PRDM2: variants seen among roughly 807,000 people sequenced by gnomAD.
PRDM2 encodes the protein PR/SET domain 2.
In PRDM2, 30 loss-of-function variants were observed where a neutral mutation model predicts 130.0. That is an observed-to-expected ratio of 0.23 (90% CI 0.17 to 0.31). The LOEUF is 0.31. PRDM2 is among the 10% of genes least tolerant of loss of function. PRDM2 has a pLI of 1.00. For missense variants in PRDM2, 2,011 were observed against 2,108.4 expected, an observed-to-expected ratio of 0.95 and a Z score of 0.90; for synonymous variants, 871 against 782.4, an observed-to-expected ratio of 1.11 and a Z score of -1.89.
intron 9 of PRDM2, among the ~76,000 whole-genome samples, chr1:13,821,669 G>T (rs999151647): frequency 3.3e-5 from 5 of 152,048 alleles, no homozygotes; most frequent in Admixed American, 1.3e-4. Flanking sequence ...GTTTCATCAT[G>T]TTGGCCAGGC....
At chr1:13,733,184 C>T (rs1002404543) in intron 4 of PRDM2, among the ~76,000 whole-genome samples, 5 of 152,134 alleles carry the variant, frequency 3.3e-5, no homozygotes, top group African/African-American at 1.2e-4. Context: ...TGGTTTGTCA[C>T]TTCACAGGCC....
At position 13,723,038 on chromosome 1, in the gene PRDM2, T is replaced by C. The variant is rs568472581; in HGVS notation, c.9+7424T>C. 2.9e-3 allele frequency among the ~76,000 whole-genome samples: 435 copies of C among 152,304 alleles called. 1 individual carries two copies. The highest frequency in any genetic ancestry group is 0.014 in the Middle Eastern group (4 of 294). The stretch of plus-strand genomic sequence containing the variant: ...GCCTTGGTTTTGCATGTTCCAGTGG[T>C]GGCTGCCTCTGCTTTCTTCCCGTCT... On this transcript the variant is annotated intron_variant, in intron 2 of 9. Transcript: ENST00000311066.
At chr1:13,756,421 CT>C (rs1263486794) in intron 6 of PRDM2, among the ~76,000 whole-genome samples, 1 of 152,090 alleles carries the variant, frequency 6.6e-6, no homozygotes, top group Admixed American at 6.5e-5. Context: ...ATTCAGATGG[CT>C]TGTTTATATT....
chr1:13,704,520 G>C (rs1365323393), intron 1 of PRDM2, among the ~76,000 whole-genome samples: 1 of 152,124 alleles, frequency 6.6e-6, no homozygotes, highest in African/African-American at 2.4e-5. Context: ...TGTAGCTCTT[G>C]CAATAAATCA....
At chr1:13,742,558 C>G (rs1399930989) in intron 5 of PRDM2, among the ~76,000 whole-genome samples, 3 of 152,136 alleles carry the variant, frequency 2.0e-5, no homozygotes, top group African/African-American at 7.2e-5. Context: ...CTTTGCAGAC[C>G]TGGGAGGGAT....
intron 2 of PRDM2, among the ~76,000 whole-genome samples, chr1:13,721,787 T>C (rs774313879): frequency 1.1e-4 from 16 of 152,332 alleles, no homozygotes; most frequent in Middle Eastern, 3.4e-3. Flanking sequence ...TGGGACTGTT[T>C]TTCTCTGCCT....
chr1:13,808,735 G>A (rs1301415161), intron 8 of PRDM2, among the ~76,000 whole-genome samples: 1 of 152,160 alleles, frequency 6.6e-6, no homozygotes, highest in Non-Finnish European at 1.5e-5. Flanking sequence ...GCACAGTTAG[G>A]TACTAAGAAT....
intron 2 of PRDM2, among the ~76,000 whole-genome samples, chr1:13,728,959 G>T (rs1643014166): frequency 6.6e-6 from 1 of 152,074 alleles, no homozygotes; most frequent in Non-Finnish European, 1.5e-5. Context: ...TAGGTCAGAG[G>T]TTCTTAGATG....
At chr1:13,745,431 T>G (rs538095296) in intron 5 of PRDM2, among the ~76,000 whole-genome samples, 1 of 151,730 alleles carries the variant, frequency 6.6e-6, no homozygotes, top group East Asian at 1.9e-4. Context: ...AATGGTTTTT[T>G]TTTTTTTTTT....
chr1:13,741,753 T>TGTGTGTGTGTGTGTGTGTGTGTGTGG, intron 4 of PRDM2, among the ~76,000 whole-genome samples: 1 of 130,572 alleles, frequency 7.7e-6, no homozygotes, highest in African/African-American at 2.5e-5. Context: ...TGTGTGTGTG[T>TGTGTGTGTGTGTGTGTGTGTGTGTGG]GTGTGTGTGT....
chr1:13,789,086 C>A (rs571324328), intron 8 of PRDM2, among the ~76,000 whole-genome samples: 110 of 152,306 alleles, frequency 7.2e-4, no homozygotes, highest in Admixed American at 1.2e-3. Flanking sequence ...CTGCCTGGAA[C>A]ATGACAGGGA....
At position 13,771,164 on chromosome 1, in the gene PRDM2, G is replaced by A. The variant is rs1197612983; in HGVS notation, c.512-1914G>A. ...AAGGGAGAAAGAGTCACAAGAGGAC[G>A]TTATGCCTGTGGAAAGGTGCTTAGA... On this transcript the variant is annotated intron_variant, in intron 6 of 9. Coordinates refer to ENST00000311066, the MANE Select transcript of PRDM2 (RefSeq NM_001393986.1). The surrounding 1 kb of genome is among the most constrained non-coding windows in gnomAD (Gnocchi z 4.1). 6.6e-6 allele frequency among the ~76,000 whole-genome samples: 1 copy of A among 152,210 alleles called. No individual in the cohort carries two copies. The highest frequency in any genetic ancestry group is 1.5e-5 in the Non-Finnish European group (1 of 68,044).
At chr1:13,706,836 A>G (rs1642225272) in intron 1 of PRDM2, among the ~76,000 whole-genome samples, 1 of 152,160 alleles carries the variant, frequency 6.6e-6, no homozygotes, top group Non-Finnish European at 1.5e-5. Flanking sequence ...CTTAAACTGT[A>G]GAATAGTGTA....
intron 8 of PRDM2, among the ~76,000 whole-genome samples, chr1:13,784,626 A>G (rs75856949): frequency 0.015 from 2,305 of 152,310 alleles, 38 homozygotes; most frequent in South Asian, 0.083. Context: ...TAAGGCTACA[A>G]AGGACTAAAG....
At chr1:13,800,473 G>A (rs1644989608) in intron 8 of PRDM2, among the ~76,000 whole-genome samples, 1 of 152,138 alleles carries the variant, frequency 6.6e-6, no homozygotes, top group Admixed American at 6.5e-5. Flanking sequence ...CATAGGGAGC[G>A]AAATCATTGG....
In PRDM2 at chr1:13,819,569, A is replaced by T. The variant is rs531024638; in HGVS notation, c.*23+2999A>T. On this transcript the variant is annotated intron_variant, in intron 9 of 9. Transcript: ENST00000311066. ...TATATTATTTTTAAAATAATTTTTTAAAAAAATCTCTTTATACTGTTTGCC... is the reference window on the plus strand; with the variant it reads ...TATATTATTTTTAAAATAATTTTTTTAAAAAATCTCTTTATACTGTTTGCC... 1.2e-4 allele frequency among the ~76,000 whole-genome samples: 18 copies of T among 152,298 alleles called. No homozygotes were observed. The South Asian group carries it at 3.1e-3, about 26-fold the overall frequency.
intron 5 of PRDM2, among the ~76,000 whole-genome samples, chr1:13,746,515 T>C (rs2100522954): frequency 6.6e-6 from 1 of 150,500 alleles, no homozygotes; most frequent in East Asian, 1.9e-4. Context: ...TTGTTTTGTT[T>C]TCTACTACTT....
intron 6 of PRDM2, among the ~76,000 whole-genome samples, chr1:13,766,480 TGTAGA>T (rs767055439): frequency 1.3e-5 from 2 of 152,162 alleles, no homozygotes; most frequent in Non-Finnish European, 2.9e-5. Context: ...ATTGGATGCC[TGTAGA>T]GTAGAGAGGG....
At chr1:13,783,158 A>G (rs1212575059) in intron 8 of PRDM2, 3 of 547,486 alleles carry the variant, frequency 5.5e-6, no homozygotes, top group Admixed American at 2.1e-5. Context: ...GTCTTGGGTA[A>G]TAGCTCAGTG....
Sources: allele counts gnomAD v4.1 joint callset (sites outside exome capture counted in the v4.1 genomes callset), GRCh38; gene constraint gnomAD v4.1.1; non-coding constraint Gnocchi (gnomAD v3.1); transcripts MANE v1.5; gene names NCBI Gene and HGNC (gene_info 2026-07-23, HGNC 2026-07-21).